Variants in PTPRF observed in about 807,000 individuals in gnomAD.
PTPRF encodes the protein receptor-type tyrosine-protein phosphatase F.
A neutral mutation model predicts 201.8 loss-of-function variants in PTPRF; 59 were observed. The observed-to-expected ratio is 0.29, with a 90% CI of 0.24 to 0.36. The LOEUF (loss-of-function observed/expected upper bound fraction) is 0.36, where lower values mean the gene tolerates loss of function less well. Ranked by LOEUF, PTPRF falls within the 10% of genes least tolerant of loss-of-function variation. The probability of loss-of-function intolerance (pLI) is 1.00; values close to 1 mark genes in which losing one functional copy is unlikely to be tolerated. For synonymous variants in PTPRF, 1,088 were observed against 1,089.7 expected, an observed-to-expected ratio of 1.00 and a Z score of 0.03; for missense variants, 2,132 against 2,690.5, an observed-to-expected ratio of 0.79 and a Z score of 4.59.
chr1:43,592,592 G>T lies in PTPRF; in HGVS notation c.1804G>T (p.Ala602Ser). ...VFTPTIEART[A>S]QSTPSAPPQK... ...CACCCCCACCATTGAGGCCCGCACA[G>T]CCCAGTCCAGTAAGTGTCTCCCAAG... The change falls in exon 11 of 34, where the codon GCC becomes TCC. Residue 602 changes from alanine (A) to serine (S), a missense_variant. Transcript: ENST00000359947. The T allele has an allele frequency of 6.3e-7, 1 of 1,599,186 alleles. No homozygotes were observed. The highest frequency in any genetic ancestry group is 8.5e-7 in the Non-Finnish European group (1 of 1,173,002).
chr1:43,613,751 C>T lies in PTPRF; in HGVS notation c.4071+36C>T, dbSNP rs747187973. 1.3e-5 allele frequency: 20 copies of T among 1,563,448 alleles called. No homozygotes were observed. The East Asian group carries it at 4.5e-4, about 35-fold the overall frequency. The stretch of plus-strand genomic sequence containing the variant: ...CCCGCCCCCTACCATGTGCCTGGCC[C>T]AGGCCTACCCAAACCAGCTCCTGTC... On this transcript the variant is annotated intron_variant, in intron 23 of 33. Coordinates refer to ENST00000359947, the MANE Select transcript of PTPRF (RefSeq NM_002840.5).
chr1:43,527,022 G>A (rs908939460), upstream of PTPRF, among the ~76,000 whole-genome samples: 1 of 152,186 alleles, frequency 6.6e-6, no homozygotes, highest in African/African-American at 2.4e-5. Flanking sequence ...CTGATCTGAT[G>A]GGTAGAGACT....
chr1:43,550,119 C>T lies in PTPRF; in HGVS notation c.92-3373C>T, dbSNP rs1472613855. Among the ~76,000 whole-genome samples the T allele has an allele frequency of 2.3e-5, 3 of 132,676 alleles. No individual in the cohort carries two copies. The Admixed American group carries it at 2.3e-4, about 10-fold the overall frequency. The allele number at this position is 132,676 out of a possible 152,430, so 87.0% of individuals were successfully genotyped here. A position where few individuals can be genotyped will look rare whatever the true frequency, so the allele number is the denominator to read the frequency against. Reference sequence around the variant, plus strand: ...GGCGGGGCCTGCCTGTCTGGTCCCCCGGGCTGCCTTGGGCCAGCTTGGCCT... The same window carrying T: ...GGCGGGGCCTGCCTGTCTGGTCCCCTGGGCTGCCTTGGGCCAGCTTGGCCT... On this transcript the variant is annotated intron_variant, in intron 3 of 33. Transcript: ENST00000359947.
intron 5 of PTPRF, among the ~76,000 whole-genome samples, chr1:43,566,757 G>T (rs1369868611): frequency 6.6e-6 from 1 of 152,160 alleles, no homozygotes; most frequent in African/African-American, 2.4e-5. Context: ...TTCCCGGGTG[G>T]CAGAGTGGCA....
At chr1:43,618,420 C>T (rs991190561) in intron 25 of PTPRF, among the ~76,000 whole-genome samples, 1 of 152,118 alleles carries the variant, frequency 6.6e-6, no homozygotes, top group Non-Finnish European at 1.5e-5. Flanking sequence ...CAATTATGAC[C>T]CTTATTCCAC....
intron 5 of PTPRF, among the ~76,000 whole-genome samples, chr1:43,568,029 C>T (rs191835023): frequency 1.2e-3 from 176 of 152,304 alleles, no homozygotes; most frequent in African/African-American, 4.1e-3. Context: ...GGCCTGGTGG[C>T]TCACAGCTGT....
intron 11 of PTPRF, among the ~76,000 whole-genome samples, chr1:43,593,980 G>A (rs1428968360): frequency 6.6e-6 from 1 of 151,934 alleles, no homozygotes; most frequent in Non-Finnish European, 1.5e-5. Context: ...GCAAAACTCC[G>A]TCTTGAAAAA....
rs148414237 is a variant in PTPRF, at chr1:43,535,631, A to G, written c.-125-2567A>G. Among the ~76,000 whole-genome samples, 787 of 152,226 alleles carry G rather than the reference A, an allele frequency of 5.2e-3. 3 individuals carry two copies. Among genetic ancestry groups the G allele is most frequent in the Middle Eastern group, 0.01 (3 of 294 alleles). On this transcript the variant is annotated intron_variant, in intron 1 of 33. Transcript: ENST00000359947. The stretch of plus-strand genomic sequence containing the variant: ...CTTGCTCCTGACCCACTGCCGGGCC[A>G]GGTTTCAGGCCTGGCAGATGATGGG...
rs188165217 is a variant in PTPRF, at chr1:43,609,300, G to A, written c.3858-83G>A. ...GGAGGACAGAGCCGTGGACATGGGG[G>A]CTCCTTGGCAGCCAGCCATGCCATG... On this transcript the variant is annotated intron_variant, in intron 21 of 33. Coordinates refer to ENST00000359947, the MANE Select transcript of PTPRF (RefSeq NM_002840.5). 5.5e-5 allele frequency: 61 copies of A among 1,106,170 alleles called. No homozygotes were observed. The African/African-American group carries it at 8.3e-4, about 15-fold the overall frequency. The allele number at this position is 1,106,170 out of a possible 1,614,324, so 68.5% of individuals were successfully genotyped here. A position where few individuals can be genotyped will look rare whatever the true frequency, so the allele number is the denominator to read the frequency against.
At chr1:43,573,977 CTTTTTTTTTTTTTTTTTTTTTTTTT>C (rs77543816) in intron 6 of PTPRF, among the ~76,000 whole-genome samples, 1 of 63,884 alleles carries the variant, frequency 1.6e-5, no homozygotes, top group East Asian at 6.6e-4. Flanking sequence ...TGTGTGGGTT[CTTTTTTTTTTTTTTTTTTTTTTTTT>C]TTTTTTTTTT....
chr1:43,605,756 G>A lies in PTPRF; in HGVS notation c.3483+134G>A, dbSNP rs555802910. On this transcript the variant is annotated intron_variant, in intron 19 of 33. Transcript: ENST00000359947. ...AAATCTCTCTTCTGGCTGGCAGCCCGCCCCTCTCTGGAGAGAGGGACTCTG... is the reference window on the plus strand; with the variant it reads ...AAATCTCTCTTCTGGCTGGCAGCCCACCCCTCTCTGGAGAGAGGGACTCTG... 600 of 861,870 alleles carry A rather than the reference G, an allele frequency of 7.0e-4. 2 individuals are homozygous for A. Among genetic ancestry groups the A allele is most frequent in the Middle Eastern group, 1.4e-3 (4 of 2,884 alleles). 53.4% of individuals were successfully genotyped at this position (861,870 alleles called of 1,614,324 possible). A position where few individuals can be genotyped will look rare whatever the true frequency, so the allele number is the denominator to read the frequency against.
chr1:43,558,243 G>T (rs1645530110), intron 5 of PTPRF, among the ~76,000 whole-genome samples: 1 of 152,154 alleles, frequency 6.6e-6, no homozygotes, highest in Admixed American at 6.5e-5. Context: ...AGGGCTGTCT[G>T]GGGTGAACTG....
intron 3 of PTPRF, among the ~76,000 whole-genome samples, chr1:43,550,302 C>T (rs376248175): frequency 1.3e-5 from 2 of 152,330 alleles, no homozygotes; most frequent in South Asian, 4.1e-4. Flanking sequence ...CCACACCTGG[C>T]TCTCCTCCCC....
chr1:43,608,126 T>C (rs916742853), intron 21 of PTPRF, among the ~76,000 whole-genome samples: 4 of 152,046 alleles, frequency 2.6e-5, no homozygotes, highest in African/African-American at 7.2e-5. Flanking sequence ...CCCTAAGGAG[T>C]GTCCCACAGA....
chr1:43,544,970 G>T, intron 2 of PTPRF, 61 bp from the exon 3 acceptor site: 1 of 966,954 alleles, frequency 1.0e-6, no homozygotes, highest in Non-Finnish European at 1.5e-6. Context: ...AGCGTCAGGG[G>T]TGGGCATTAG....
At chr1:43,577,326 G>A (rs1404319261) in intron 6 of PTPRF, among the ~76,000 whole-genome samples, 1 of 152,226 alleles carries the variant, frequency 6.6e-6, no homozygotes, top group Non-Finnish European at 1.5e-5. Context: ...GTGCCCATCA[G>A]GGCTGCTCTT....
Position 43,605,172 on chromosome 1 carries a change from C to T in PTPRF, c.3136-18C>T, listed in dbSNP as rs756781144. ...AACCTCACCCAAAGGCATTGATTGC[C>T]CCTCCCGTCCCCCACAGATTCTGTA... On this transcript the variant is annotated intron_variant, in intron 17 of 33. Coordinates refer to ENST00000359947, the MANE Select transcript of PTPRF (RefSeq NM_002840.5). The T allele has an allele frequency of 1.9e-6, 3 of 1,583,022 alleles. No individual in the cohort carries two copies. The highest frequency in any genetic ancestry group is 2.3e-5 in the South Asian group (2 of 87,602).
intron 6 of PTPRF, among the ~76,000 whole-genome samples, chr1:43,573,713 G>C (rs2153991080): frequency 6.6e-6 from 1 of 152,336 alleles, no homozygotes; most frequent in South Asian, 2.1e-4. Context: ...GGCCCCTTCA[G>C]TCCCCCACAC....
chr1:43,538,371 G>A, intron 2 of PTPRF, 94 bp downstream of exon 2: 1 of 398,054 alleles, frequency 2.5e-6, no homozygotes, highest in Non-Finnish European at 4.4e-6. Context: ...GGTCAGTGGA[G>A]AGCTATAGAG....
Sources: allele counts gnomAD v4.1 joint callset (sites outside exome capture counted in the v4.1 genomes callset), GRCh38; gene constraint gnomAD v4.1.1; transcripts MANE v1.5; gene names NCBI Gene and HGNC (gene_info 2026-07-23, HGNC 2026-07-21).